The following TGM1 variants were observed in gnomAD, a reference collection of about 807,000 sequenced individuals.
TGM1 encodes transglutaminase 1, also known as protein-glutamine gamma-glutamyltransferase K.
In TGM1, 63 loss-of-function variants were observed where a neutral mutation model predicts 88.7. The observed-to-expected ratio is 0.71, with a 90% confidence interval of 0.58 to 0.88. The LOEUF (loss-of-function observed/expected upper bound fraction) is 0.88. Ranked by LOEUF, TGM1 falls within the 40% of genes least tolerant of loss-of-function variation. The pLI is 0.00. For missense variants in TGM1, 996 were observed against 1,118.0 expected (o/e 0.89, Z 1.56); for synonymous variants, 415 against 431.1 (o/e 0.96, Z 0.46).
At chr14:24,254,018 C>T in intron 14 of TGM1, 134 bp downstream of exon 14, 2 of 1,304,600 alleles carry the variant, frequency 1.5e-6, no homozygotes, top group South Asian at 2.6e-5. Context: ...GTATTGCTAG[C>T]TGGCCCCAAC....
Position 24,260,615 on chromosome 14 carries a change from C to G in TGM1, c.592G>C (p.Val198Leu), listed in dbSNP as rs2139026257. The G allele has an allele frequency of 1.2e-6, 2 of 1,614,202 alleles. No individual in the cohort carries two copies. Among genetic ancestry groups the G allele is most frequent in the East Asian group, 2.2e-5 (1 of 44,878 alleles). ...TTCAGATTCTGCCCACTGGCCTTGA[C>G]CACCTGGGCTTTCCAGCCTCCACTG... ...GGSGGWKAQVVKASGQNLNLR... is the reference protein window; with the variant it reads ...GGSGGWKAQVLKASGQNLNLR... Residue 198 changes from valine (V) to leucine (L), a missense_variant, in exon 4 of 15, where the codon GTC (valine) becomes CTC (leucine). Coordinates refer to ENST00000206765, the MANE Select transcript of TGM1 (RefSeq NM_000359.3).
intron 14 of TGM1, 25 bp from the exon 15 acceptor site, chr14:24,249,566 G>T: frequency 6.2e-7 from 1 of 1,604,460 alleles, no homozygotes; most frequent in Non-Finnish European, 8.5e-7. Context: ...AAGGTCATGG[G>T]CCTGGAGTAA....
chr14:24,253,920 A>T (rs1211807132), intron 14 of TGM1, among the ~76,000 whole-genome samples: 1 of 152,170 alleles, frequency 6.6e-6, no homozygotes, highest in Non-Finnish European at 1.5e-5. Flanking sequence ...CTCCCTAATT[A>T]GATAGTGAGG....
chr14:24,259,235 A>C lies in TGM1; in HGVS notation c.999T>G (p.Asp333Glu). 6.2e-7 allele frequency: 1 copy of C among 1,613,208 alleles called. No individual in the cohort carries two copies. Among genetic ancestry groups the C allele is most frequent in the Non-Finnish European group, 8.5e-7 (1 of 1,179,588 alleles). The change falls in exon 7 of 15, where the codon GAT becomes GAG. Residue 333 changes from aspartate (D) to glutamate (E), a missense_variant. By Grantham distance (45) the Asp-to-Glu change is conservative (BLOSUM62 2). Transcript: ENST00000206765. The surrounding 1 kb of genome is among the most constrained non-coding windows in gnomAD (Gnocchi z 5.7). ...RVISAMVNSLDDNGVLIGNWS... is the reference protein window; with the variant it reads ...RVISAMVNSLEDNGVLIGNWS... ...AGTTCCCAATCAGGACTCCATTGTC[A>C]TCCAGGGAGTTCACCTGCCCAGGAC...
Position 24,260,042 on chromosome 14 carries a change from C to G in TGM1, c.774G>C (p.Val258=). The G allele has an allele frequency of 2.5e-6, 4 of 1,614,200 alleles. No homozygotes were observed. Among genetic ancestry groups the G allele is most frequent in the Non-Finnish European group, 3.4e-6 (4 of 1,180,008 alleles). Residue 258 remains valine (V), a synonymous_variant, in exon 5 of 15, where the codon GTG becomes GTC. Coordinates refer to ENST00000206765, the MANE Select transcript of TGM1 (RefSeq NM_000359.3). The part of the protein sequence containing the change: ...NPWCPEDIVY[V]DHEDWRQEYV... ...ACTCCTGCCGCCAATCCTCATGGTCCACGTACACAATGTCCTCTGTGTCCC... is the reference window on the plus strand; with the variant it reads ...ACTCCTGCCGCCAATCCTCATGGTCGACGTACACAATGTCCTCTGTGTCCC...
At position 24,259,152 on chromosome 14, in the gene TGM1, A is replaced by G. The variant is rs1057517837; in HGVS notation, c.1082T>C (p.Ile361Thr). ...TCCCGTGCGTAGGTAGCTAAGCAGG[A>G]TCTCCACGCTGCCCACCCACGCTGA... is the stretch of plus-strand genomic sequence containing the variant. Reference protein sequence around the residue: ...NPSAWVGSVEILLSYLRTGYS... With the variant: ...NPSAWVGSVETLLSYLRTGYS... The change falls in exon 7 of 15, where the codon ATC becomes ACC. Residue 361 changes from isoleucine to threonine, a missense_variant. Ile to Thr is a moderately conservative substitution (Grantham distance 89). Coordinates refer to ENST00000206765, the MANE Select transcript of TGM1 (RefSeq NM_000359.3). The surrounding 1 kb of genome is among the most constrained non-coding windows in gnomAD (Gnocchi z 5.7). 6.2e-7 allele frequency: 1 copy of G among 1,614,176 alleles called. No individual in the cohort carries two copies. Among genetic ancestry groups the G allele is most frequent in the Non-Finnish European group, 8.5e-7 (1 of 1,180,022 alleles).
chr14:24,253,709 T>A (rs1323835413), intron 14 of TGM1, among the ~76,000 whole-genome samples: 1 of 152,188 alleles, frequency 6.6e-6, no homozygotes, highest in African/African-American at 2.4e-5. Context: ...CTCCAACTCC[T>A]GGGCTCAAGT....
rs1192021477 is a variant in TGM1, at chr14:24,254,711, C to T, written c.2041G>A (p.Ala681Thr). The T allele has an allele frequency of 6.2e-7, 1 of 1,614,022 alleles. No homozygotes were observed. The highest frequency in any genetic ancestry group is 8.5e-7 in the Non-Finnish European group (1 of 1,180,046). ...GHVKESGQVL[A>T]KQHTFRLRTP... ...CGCAGACGGAAGGTGTGCTGCTTGGCCAGCACCTGCCCGCTCTCCTTGACG... is the reference window on the plus strand; with the variant it reads ...CGCAGACGGAAGGTGTGCTGCTTGGTCAGCACCTGCCCGCTCTCCTTGACG... The change falls in exon 13 of 15, where the codon GCC becomes ACC. Residue 681 changes from alanine to threonine, a missense_variant. Ala to Thr is a moderately conservative substitution (Grantham distance 58). Transcript: ENST00000206765.
rs1402939116 is a variant in TGM1 at position 24,255,366 on chromosome 14, T to C, written c.1643A>G (p.Glu548Gly). The change falls in exon 11 of 15, where the codon GAA (glutamate) becomes GGA (glycine). Residue 548 changes from glutamate (E) to glycine (G), a missense_variant and splice_region_variant. Transcript: ENST00000206765. This position sits in a 1 kb window ranked among gnomAD's most constrained non-coding sequence, Gnocchi z 4.0. ...EDITYLYKHPEGSDAERKAVE... is the reference protein window; with the variant it reads ...EDITYLYKHPGGSDAERKAVE... Reference sequence around the variant, plus strand: ...TGGCTGGGTTGGGGGAATGGTACCTTCTGGGTGCTTATAGAGGTAGGTGAT... The same window carrying C: ...TGGCTGGGTTGGGGGAATGGTACCTCCTGGGTGCTTATAGAGGTAGGTGAT... 4.3e-6 allele frequency: 7 copies of C among 1,614,172 alleles called. No homozygotes were observed. Among genetic ancestry groups the C allele is most frequent in the Admixed American group, 3.3e-5 (2 of 60,010 alleles).
rs2040794969 is a variant in TGM1 at position 24,260,042 on chromosome 14, C to T, written c.774G>A (p.Val258=). ...ACTCCTGCCGCCAATCCTCATGGTC[C>T]ACGTACACAATGTCCTCTGTGTCCC... ...NPWCPEDIVY[V]DHEDWRQEYV... The change falls in exon 5 of 15, where the codon GTG becomes GTA. Residue 258 remains valine, a synonymous_variant. Coordinates refer to ENST00000206765, the MANE Select transcript of TGM1 (RefSeq NM_000359.3). 5 of 1,614,200 alleles carry T rather than the reference C, an allele frequency of 3.1e-6. No homozygotes were observed.
In TGM1 at chr14:24,262,305, G is replaced by A; in HGVS notation, c.48C>T (p.Pro16=). The A allele has an allele frequency of 6.2e-7, 1 of 1,613,736 alleles. No individual in the cohort carries two copies. The highest frequency in any genetic ancestry group is 8.5e-7 in the Non-Finnish European group (1 of 1,180,014). ...RSDVGRWGGN[P]LQPPTTPSPE... The stretch of plus-strand genomic sequence containing the variant: ...GAGATGGCGTGGTAGGGGGCTGCAA[G>A]GGGTTGCCACCCCAACGGCCCACAT... Residue 16 remains proline (P), a synonymous_variant, in exon 2 of 15, where the codon CCC becomes CCT. Coordinates refer to ENST00000206765, the MANE Select transcript of TGM1 (RefSeq NM_000359.3).
At chr14:24,250,177 T>TGA (rs1238073181) in intron 14 of TGM1, among the ~76,000 whole-genome samples, 40 of 21,500 alleles carry the variant, frequency 1.9e-3, no homozygotes, top group South Asian at 2.8e-3. Flanking sequence ...TGTGTGTGTG[T>TGA]GTGAGAGAGA....
At chr14:24,258,238 G>T in intron 9 of TGM1, 47 bp downstream of exon 9, 2 of 1,482,718 alleles carry the variant, frequency 1.3e-6, no homozygotes, top group Non-Finnish European at 1.9e-6. Context: ...TTAATCAGGT[G>T]GGGGAGATAA....
At position 24,256,063 on chromosome 14, in the gene TGM1, C is replaced by T. The variant is rs904122716; in HGVS notation, c.1417G>A (p.Gly473Ser). Residue 473 changes from glycine (G) to serine (S), a missense_variant, in exon 10 of 15, where the codon GGC (glycine) becomes AGC (serine). Gly to Ser is a moderately conservative substitution (Grantham distance 56). Transcript: ENST00000206765. ...TTGATGGACTCCACAGAGCAGGGGC[C>T]GCAGCAGAAGATGCCTAGAGAGTGA... Reference protein sequence around the residue: ...QETSSGIFCCGPCSVESIKNG... With the variant: ...QETSSGIFCCSPCSVESIKNG... The T allele has an allele frequency of 1.0e-5, 16 of 1,567,164 alleles. No homozygotes were observed. Among genetic ancestry groups the T allele is most frequent in the Admixed American group, 3.7e-5 (2 of 53,482 alleles).
rs2139024026 is a variant in TGM1, at chr14:24,259,027, C to T, written c.1159+48G>A. 1 of 1,609,408 alleles carries T rather than the reference C, an allele frequency of 6.2e-7. No homozygotes were observed. Among genetic ancestry groups the T allele is most frequent in the Non-Finnish European group, 8.5e-7 (1 of 1,177,774 alleles). On this transcript the variant is annotated intron_variant, in intron 7 of 14. Transcript: ENST00000206765. The surrounding 1 kb of genome is among the most constrained non-coding windows in gnomAD (Gnocchi z 5.7). Reference sequence around the variant, plus strand: ...GGCTGGGTAAGCCTGGCTTTCCTCCCTTCTCCCTGTAGGGCCCGGGCCACT... The same window carrying T: ...GGCTGGGTAAGCCTGGCTTTCCTCCTTTCTCCCTGTAGGGCCCGGGCCACT...
rs112584836 is a variant in TGM1, at chr14:24,254,072, A to G, written c.2225+80T>C. The G allele has an allele frequency of 2.6e-6, 4 of 1,548,416 alleles. No homozygotes were observed. In the African/African-American group the frequency reaches 5.5e-5, roughly 21 times the overall value. ...ACAGAACATACTTGTCCAGACAGAG[A>G]GGGAGCAAAGCTGGGAGCCAGGGCA... On this transcript the variant is annotated intron_variant, in intron 14 of 14. Coordinates refer to ENST00000206765, the MANE Select transcript of TGM1 (RefSeq NM_000359.3).
chr14:24,251,641 T>C (rs1446064152), intron 14 of TGM1, among the ~76,000 whole-genome samples: 2 of 152,198 alleles, frequency 1.3e-5, no homozygotes, highest in Non-Finnish European at 2.9e-5. Flanking sequence ...TGTCCAATTG[T>C]GTACTTGTTC....
intron 9 of TGM1, 97 bp downstream of exon 9, chr14:24,258,188 G>T: frequency 2.0e-6 from 2 of 1,002,382 alleles, no homozygotes; most frequent in Non-Finnish European, 3.1e-6. Flanking sequence ...TACATGGCTT[G>T]GCTCTCCGGC....
intron 13 of TGM1, 34 bp from the exon 14 acceptor site, chr14:24,254,322 A>C: frequency 6.2e-7 from 1 of 1,613,840 alleles, no homozygotes; most frequent in Middle Eastern, 1.7e-4. Context: ...CCCACGTCAG[A>C]GACCCTGGCC....
Sources: allele counts gnomAD v4.1 joint callset (sites outside exome capture counted in the v4.1 genomes callset), GRCh38; gene constraint gnomAD v4.1.1; non-coding constraint Gnocchi (gnomAD v3.1); transcripts MANE v1.5; gene names NCBI Gene and HGNC (gene_info 2026-07-23, HGNC 2026-07-21).